The following ZFPM2 variants were observed in gnomAD, a reference collection of about 807,000 sequenced individuals.
ZFPM2 encodes the protein zinc finger protein ZFPM2.
Under a neutral mutation model 98.6 loss-of-function variants are expected in ZFPM2, and 20 were observed. The observed-to-expected ratio is 0.20, with a 90% CI of 0.14 to 0.29. The LOEUF (loss-of-function observed/expected upper bound fraction) is 0.29. Among genes scored for constraint, ZFPM2 ranks in the 10% least tolerant of loss-of-function variants. ZFPM2 has a pLI of 1.00. For missense variants in ZFPM2, 1,310 were observed against 1,388.6 expected (o/e 0.94, Z 0.90); for synonymous variants, 518 against 502.7 (o/e 1.03, Z -0.41).
chr8:105,648,290 A>G (rs1022617747), intron 5 of ZFPM2, among the ~76,000 whole-genome samples: 2 of 152,172 alleles, frequency 1.3e-5, no homozygotes, highest in East Asian at 1.9e-4. Flanking sequence ...CCTTTGTCAG[A>G]TGAGTAGATT....
chr8:105,375,894 C>T (rs1810715789), intron 1 of ZFPM2, among the ~76,000 whole-genome samples: 1 of 152,152 alleles, frequency 6.6e-6, no homozygotes, highest in Admixed American at 6.5e-5. Context: ...ATCATTCCAA[C>T]ATGAATAATA....
chr8:105,788,685 C>A (rs1280045673), intron 5 of ZFPM2, 33 bp from the exon 6 acceptor site: 1 of 1,604,334 alleles, frequency 6.2e-7, no homozygotes, highest in Admixed American at 1.7e-5. Context: ...CATCCTATGT[C>A]AATTTTATCT....
chr8:105,620,671 C>T (rs1221000786), intron 4 of ZFPM2, among the ~76,000 whole-genome samples: 2 of 152,116 alleles, frequency 1.3e-5, no homozygotes, highest in Non-Finnish European at 2.9e-5. Context: ...TTAGGTCTAA[C>T]ATTTAAGTCT....
At chr8:105,448,132 C>A (rs1395584902) in intron 3 of ZFPM2, among the ~76,000 whole-genome samples, 2 of 151,958 alleles carry the variant, frequency 1.3e-5, no homozygotes, top group Admixed American at 1.3e-4. Flanking sequence ...AGGGTTCAAG[C>A]CAATATAAAA....
intron 3 of ZFPM2, among the ~76,000 whole-genome samples, chr8:105,462,883 G>T (rs538456514): frequency 6.6e-6 from 1 of 152,122 alleles, no homozygotes; most frequent in East Asian, 1.9e-4. Flanking sequence ...TCGATTCAAC[G>T]TCCTTGATGA....
intron 1 of ZFPM2, among the ~76,000 whole-genome samples, chr8:105,340,262 A>G (rs1383509030): frequency 6.6e-6 from 1 of 151,828 alleles, no homozygotes; most frequent in Non-Finnish European, 1.5e-5. Flanking sequence ...TGTGTTTCCT[A>G]TTCTAAAAAT....
At chr8:105,430,456 A>G (rs550901877) in intron 2 of ZFPM2, among the ~76,000 whole-genome samples, 2 of 152,322 alleles carry the variant, frequency 1.3e-5, no homozygotes, top group South Asian at 4.1e-4. Context: ...CAAATCTATT[A>G]TCATTATAGG....
At chr8:105,417,358 A>T (rs1037869281) in intron 1 of ZFPM2, among the ~76,000 whole-genome samples, 1 of 152,166 alleles carries the variant, frequency 6.6e-6, no homozygotes, top group Non-Finnish European at 1.5e-5. Context: ...ATACCACAGT[A>T]CATCCATGTA....
At position 105,521,583 on chromosome 8, in the gene ZFPM2, CT is replaced by C. The variant is rs796280074; in HGVS notation, c.302-39769del. ...GAATAATAATACAATGTGAAACTTT[CT>C]TTTTTTTTTTGAGATGGAGTTTCAC... On this transcript the variant is annotated intron_variant, in intron 3 of 7. Transcript: ENST00000407775. 1.0e-3 allele frequency among the ~76,000 whole-genome samples: 152 copies of C among 146,518 alleles called. 2 individuals are homozygous for C. Among genetic ancestry groups the C allele is most frequent in the African/African-American group, 2.8e-3 (114 of 40,318 alleles).
intron 5 of ZFPM2, among the ~76,000 whole-genome samples, chr8:105,634,688 G>C (rs1306194174): frequency 6.6e-6 from 1 of 152,046 alleles, no homozygotes; most frequent in African/African-American, 2.4e-5. Flanking sequence ...TCTCCTTTTA[G>C]ACATTATCTA....
At chr8:105,787,790 C>G (rs1813463255) in intron 5 of ZFPM2, among the ~76,000 whole-genome samples, 1 of 151,982 alleles carries the variant, frequency 6.6e-6, no homozygotes, top group Non-Finnish European at 1.5e-5. Flanking sequence ...TCAGGCATAA[C>G]TGTATAGGAT....
intron 5 of ZFPM2, among the ~76,000 whole-genome samples, chr8:105,778,765 T>C (rs1813169917): frequency 6.6e-6 from 1 of 152,194 alleles, no homozygotes; most frequent in African/African-American, 2.4e-5. Flanking sequence ...ATAGCATATT[T>C]TATGCAAGAG....
At chr8:105,590,755 T>TGCGC (rs1815823663) in intron 4 of ZFPM2, among the ~76,000 whole-genome samples, 1 of 142,694 alleles carries the variant, frequency 7.0e-6, no homozygotes, top group Admixed American at 7.0e-5. Context: ...TGTGCATACG[T>TGCGC]GCGCACGCAC....
chr8:105,640,349 A>G (rs954409653), intron 5 of ZFPM2, among the ~76,000 whole-genome samples: 1 of 151,986 alleles, frequency 6.6e-6, no homozygotes, highest in East Asian at 1.9e-4. Context: ...TTATTCAAAC[A>G]CTAAAACAGC....
rs1015337289 is a variant in ZFPM2, at chr8:105,548,693, A to G, written c.302-12670A>G. Among the ~76,000 whole-genome samples the G allele has an allele frequency of 5.3e-5, 8 of 152,090 alleles. 1 individual carries two copies. The highest frequency in any genetic ancestry group is 1.2e-4 in the African/African-American group (5 of 41,430). ...TGTATATTGCTTTAGTCCTTTGCCAATCCTCCCTCTGAGATGCCATTCCTG... is the reference window on the plus strand; with the variant it reads ...TGTATATTGCTTTAGTCCTTTGCCAGTCCTCCCTCTGAGATGCCATTCCTG... On this transcript the variant is annotated intron_variant, in intron 3 of 7. Coordinates refer to ENST00000407775, the MANE Select transcript of ZFPM2 (RefSeq NM_012082.4).
chr8:105,517,631 C>T (rs1304021872), intron 3 of ZFPM2, among the ~76,000 whole-genome samples: 1 of 150,954 alleles, frequency 6.6e-6, no homozygotes, highest in East Asian at 2.0e-4. Context: ...AGGAGGATCA[C>T]TTCAGGGCAG....
rs1393284372 is a variant in ZFPM2, at chr8:105,453,914, T to C, written c.301+9533T>C. On this transcript the variant is annotated intron_variant, in intron 3 of 7. Coordinates refer to ENST00000407775, the MANE Select transcript of ZFPM2 (RefSeq NM_012082.4). ...TGTCTAGAGTATTTTAAAGCGAGTT[T>C]CAGAAATCATGTCATTTCACTCACG... 2.6e-5 allele frequency among the ~76,000 whole-genome samples: 4 copies of C among 152,122 alleles called. No individual in the cohort carries two copies. In the East Asian group the frequency reaches 7.7e-4, roughly 29 times the overall value.
chr8:105,324,187 T>C (rs77728069), intron 1 of ZFPM2, among the ~76,000 whole-genome samples: 60 of 152,006 alleles, frequency 3.9e-4, no homozygotes, highest in Non-Finnish European at 6.8e-4. Context: ...TAAGAGTTAA[T>C]ACAAAGATTT....
chr8:105,421,790 C>T (rs1005563521), intron 2 of ZFPM2, among the ~76,000 whole-genome samples: 3 of 152,074 alleles, frequency 2.0e-5, no homozygotes, highest in Admixed American at 1.3e-4. Context: ...CGGTGACTCA[C>T]GCCTGTAATC....
Sources: allele counts gnomAD v4.1 joint callset (sites outside exome capture counted in the v4.1 genomes callset), GRCh38; gene constraint gnomAD v4.1.1; transcripts MANE v1.5; gene names NCBI Gene and HGNC (gene_info 2026-07-23, HGNC 2026-07-21).